PHC1: variants seen among roughly 807,000 people sequenced by gnomAD.
The protein encoded by PHC1 is polyhomeotic homolog 1.
Under a neutral mutation model 104.3 loss-of-function variants are expected in PHC1, and 12 were observed. The observed-to-expected ratio is 0.12, with a 90% CI of 0.07 to 0.19. The LOEUF is 0.19. PHC1 is among the 10% of genes least tolerant of loss of function. The pLI is 1.00. For synonymous variants in PHC1, 302 were observed against 455.8 expected, an observed-to-expected ratio of 0.66 and a Z score of 4.30; for missense variants, 671 against 1,200.0, an observed-to-expected ratio of 0.56 and a Z score of 6.51.
At chr12:8,923,158 T>C (rs1235263011) in intron 6 of PHC1, among the ~76,000 whole-genome samples, 1 of 152,202 alleles carries the variant, frequency 6.6e-6, no homozygotes, top group Non-Finnish European at 1.5e-5. Flanking sequence ...GTTAGTTAGA[T>C]GTAAAGCTGA....
chr12:8,914,168 C>A (rs1433081500), upstream of PHC1, among the ~76,000 whole-genome samples: 1 of 152,058 alleles, frequency 6.6e-6, no homozygotes, highest in Admixed American at 6.5e-5. Context: ...TCTTTCTCCC[C>A]GTCTCACGTC....
intron 9 of PHC1, 36 bp downstream of exon 9, chr12:8,934,048 A>G: frequency 1.2e-6 from 2 of 1,606,272 alleles, no homozygotes; most frequent in East Asian, 2.2e-5. Flanking sequence ...TGGAGAGCAC[A>G]CAGAGTAGAG....
In PHC1 at chr12:8,939,892, T is replaced by C. The variant is rs1217221231; in HGVS notation, c.*433T>C. 4.4e-6 allele frequency: 2 copies of C among 457,194 alleles called. No homozygotes were observed. Among genetic ancestry groups the C allele is most frequent in the Admixed American group, 4.7e-5 (2 of 42,602 alleles). The allele number at this position is 457,194 out of a possible 1,614,324, so 28.3% of individuals were successfully genotyped here. ...GGAGAGGTAGGGTTTTTCTAGCTTG[T>C]GTGACAGAAGTAGCAAAATCTGGTC... On this transcript the variant is annotated 3_prime_UTR_variant, in exon 15 of 15. Coordinates refer to ENST00000544916, the MANE Select transcript of PHC1 (RefSeq NM_004426.3).
chr12:8,916,668 A>G (rs747752688), intron 1 of PHC1, among the ~76,000 whole-genome samples: 1 of 152,188 alleles, frequency 6.6e-6, no homozygotes, highest in Non-Finnish European at 1.5e-5. Flanking sequence ...AAATTCTGAC[A>G]TGTTAGTAGA....
At chr12:8,913,964 C>A (rs1244122233), upstream of PHC1, 1 of 152,446 alleles carries the variant, frequency 6.6e-6, no homozygotes, top group East Asian at 1.9e-4. Flanking sequence ...AGGGATTAAA[C>A]AATCAACCTT....
At position 8,922,643 on chromosome 12, in the gene PHC1, G is replaced by C; in HGVS notation, c.467G>C (p.Gly156Ala). Residue 156 changes from glycine to alanine, a missense_variant, in exon 6 of 15, where the codon GGA becomes GCA. Physicochemically the swap from Gly to Ala is moderately conservative, Grantham distance 60. Transcript: ENST00000544916. ...TCCTCTCCTTGCCAGCCACAGCTGG[G>C]AAACCTATTGCAGGTAAACCGAACC... ...QAQMYLRPQL[G>A]NLLQVNRTLG... is the part of the protein sequence containing the mutation. 3.8e-6 allele frequency: 6 copies of C among 1,574,076 alleles called. No individual in the cohort carries two copies. The highest frequency in any genetic ancestry group is 5.2e-6 in the Non-Finnish European group (6 of 1,159,136).
chr12:8,932,621 C>T lies in PHC1; in HGVS notation c.1164C>T (p.Leu388=), dbSNP rs779468500. The change falls in exon 8 of 15, where the codon CTC becomes CTT. Residue 388 remains leucine (L), a synonymous_variant. Transcript: ENST00000544916. ...SLIQQQQQIH[L]QQKQVVIQQQ... ...TTCAGCAACAGCAACAGATCCACCT[C>T]CAGCAGAAACAGGTGGTGATCCAGC... is the stretch of plus-strand genomic sequence containing the variant. The T allele has an allele frequency of 1.9e-6, 3 of 1,614,038 alleles. No individual in the cohort carries two copies. Among genetic ancestry groups the T allele is most frequent in the Non-Finnish European group, 1.7e-6 (2 of 1,179,868 alleles).
chr12:8,932,236 T>A (rs1272049627), intron 7 of PHC1, among the ~76,000 whole-genome samples: 1 of 152,220 alleles, frequency 6.6e-6, no homozygotes, highest in East Asian at 1.9e-4. Context: ...GGCTAACCAT[T>A]CTTCTTTGCT....
chr12:8,921,892 C>G, intron 5 of PHC1, 142 bp downstream of exon 5: 2 of 735,354 alleles, frequency 2.7e-6, no homozygotes, highest in African/African-American at 1.8e-5. Context: ...TGGCTCACTG[C>G]AGCCTCTGCC....
At chr12:8,916,865 G>A (rs1481631849) in intron 1 of PHC1, among the ~76,000 whole-genome samples, 1 of 152,126 alleles carries the variant, frequency 6.6e-6, no homozygotes, top group East Asian at 1.9e-4. Context: ...CTGGAACCAG[G>A]CAGCTATTTG....
intron 1 of PHC1, among the ~76,000 whole-genome samples, chr12:8,917,163 A>G (rs1433133197): frequency 6.6e-6 from 1 of 152,248 alleles, no homozygotes; most frequent in Non-Finnish European, 1.5e-5. Flanking sequence ...AGAGAGATAC[A>G]GCATAGGTGA....
At chr12:8,920,191 C>G (rs1411552633) in intron 3 of PHC1, among the ~76,000 whole-genome samples, 3 of 151,942 alleles carry the variant, frequency 2.0e-5, no homozygotes, top group Non-Finnish European at 2.9e-5. Context: ...AGTTAGACTA[C>G]TTAGTACAAA....
intron 11 of PHC1, among the ~76,000 whole-genome samples, chr12:8,936,084 A>G (rs904066368): frequency 4.6e-5 from 7 of 151,942 alleles, no homozygotes; most frequent in African/African-American, 1.5e-4. Context: ...TCTTTACTCT[A>G]TAGATGTATT....
chr12:8,915,662 C>T (rs1414450874), intron 1 of PHC1: 1 of 146,030 alleles, frequency 6.8e-6, no homozygotes, highest in Admixed American at 7.1e-5. Flanking sequence ...AATTTTGATA[C>T]CTGGTGCTGC....
In PHC1 at chr12:8,922,815, G is replaced by A. The variant is rs769389679; in HGVS notation, c.612+27G>A. The A allele has an allele frequency of 1.9e-6, 3 of 1,607,064 alleles. No individual in the cohort carries two copies. In the South Asian group the frequency reaches 3.3e-5, roughly 18 times the overall value. Reference sequence around the variant, plus strand: ...TTAGTGGCGATGACTTTACCTGTGGGTGGGCACTGGGCAGGATGAAGGGAA... The same window carrying A: ...TTAGTGGCGATGACTTTACCTGTGGATGGGCACTGGGCAGGATGAAGGGAA... On this transcript the variant is annotated intron_variant, in intron 6 of 14. Transcript: ENST00000544916.
upstream of PHC1, chr12:8,913,957 G>A (rs1435720286): frequency 6.6e-6 from 1 of 152,392 alleles, no homozygotes; most frequent in East Asian, 1.9e-4. Flanking sequence ...TGAGGTGAGG[G>A]ATTAAACAAT....
At chr12:8,915,251 A>T (rs1428314361) in intron 1 of PHC1, 3 of 152,556 alleles carry the variant, frequency 2.0e-5, no homozygotes, top group Admixed American at 1.3e-4. Context: ...GCACCACTGG[A>T]TCCACCCCCT....
intron 2 of PHC1, among the ~76,000 whole-genome samples, chr12:8,918,136 T>A (rs984698869): frequency 1.3e-5 from 2 of 152,258 alleles, no homozygotes; most frequent in Non-Finnish European, 2.9e-5. Flanking sequence ...TTTAGAGATT[T>A]ATTTTTAAAC....
At chr12:8,918,604 A>G (rs1292881597) in intron 2 of PHC1, among the ~76,000 whole-genome samples, 1 of 152,034 alleles carries the variant, frequency 6.6e-6, no homozygotes, top group East Asian at 1.9e-4. Context: ...ACTAGCTGGG[A>G]CTATAGGCAC....
Sources: gnomAD v4.1 joint callset for allele counts (sites outside exome capture counted in the v4.1 genomes callset) on GRCh38, gnomAD v4.1.1 for gene constraint, MANE v1.5 for transcripts, NCBI Gene and HGNC (gene_info 2026-07-23, HGNC 2026-07-21) for gene names.